PHACTR1: variants seen among roughly 807,000 people sequenced by gnomAD.
The protein encoded by PHACTR1 is RPEL repeat containing 1.
In PHACTR1, 16 loss-of-function variants were observed where a neutral mutation model predicts 69.2. That is an observed-to-expected ratio of 0.23 (90% confidence interval 0.16 to 0.35). The LOEUF is 0.35. PHACTR1 is among the 10% of genes least tolerant of loss of function. The pLI is 1.00. For missense variants in PHACTR1, 510 were observed against 734.7 expected, an observed-to-expected ratio of 0.69 and a Z score of 3.54; for synonymous variants, 312 against 284.5, an observed-to-expected ratio of 1.10 and a Z score of -0.97.
intron 5 of PHACTR1, among the ~76,000 whole-genome samples, chr6:13,083,955 T>G (rs978572878): frequency 5.3e-5 from 8 of 152,134 alleles, no homozygotes; most frequent in Non-Finnish European, 1.2e-4. Context: ...CCTGCCTGAT[T>G]GCCCTGGCCA....
chr6:13,175,113 G>A (rs1439802048), intron 6 of PHACTR1, among the ~76,000 whole-genome samples: 1 of 152,116 alleles, frequency 6.6e-6, no homozygotes, highest in Admixed American at 6.5e-5. Flanking sequence ...TTACTTACAA[G>A]TTTTTAAAAA....
chr6:12,912,953 T>C (rs911439551), intron 4 of PHACTR1, among the ~76,000 whole-genome samples: 1 of 152,138 alleles, frequency 6.6e-6, no homozygotes, highest in Non-Finnish European at 1.5e-5. Flanking sequence ...AGACCCTGTC[T>C]CAAAACAAAC....
intron 6 of PHACTR1, among the ~76,000 whole-genome samples, chr6:13,161,323 G>C (rs1183997472): frequency 6.6e-6 from 1 of 151,984 alleles, no homozygotes; most frequent in Non-Finnish European, 1.5e-5. Context: ...TTCTCTTCTT[G>C]CTCCTCCTTC....
At position 12,814,699 on chromosome 6, in the gene PHACTR1, G is replaced by GA. The variant is rs59403413; in HGVS notation, c.250+64918dup. ...CCCACCAAATGTTCTACAAATGGAA[G>GA]AAAAAAAAACAAAAAAAGCTATACT... On this transcript the variant is annotated intron_variant, in intron 4 of 14. Transcript: ENST00000332995. Among the ~76,000 whole-genome samples the GA allele has an allele frequency of 2.8e-3, 424 of 150,628 alleles. 3 individuals are homozygous for GA. The highest frequency in any genetic ancestry group is 8.4e-3 in the African/African-American group (345 of 41,166).
intron 5 of PHACTR1, among the ~76,000 whole-genome samples, chr6:13,073,331 A>ATT (rs10664160): frequency 0.024 from 1,578 of 65,624 alleles, 344 homozygotes; most frequent in African/African-American, 0.039. Flanking sequence ...CATTCCATGA[A>ATT]TTTTTTTTTT....
chr6:13,238,110 G>T (rs1339819699), intron 10 of PHACTR1, among the ~76,000 whole-genome samples: 3 of 152,214 alleles, frequency 2.0e-5, no homozygotes, highest in Non-Finnish European at 4.4e-5. Flanking sequence ...GACTCCTGAA[G>T]AACACATTAA....
intron 6 of PHACTR1, among the ~76,000 whole-genome samples, chr6:13,171,555 C>T (rs1315355701): frequency 1.3e-5 from 2 of 152,200 alleles, no homozygotes. Context: ...CTGCATCGGC[C>T]AATGCAGTAT....
intron 7 of PHACTR1, among the ~76,000 whole-genome samples, chr6:13,201,931 C>CTT (rs1191189315): frequency 6.6e-6 from 1 of 152,212 alleles, no homozygotes; most frequent in Non-Finnish European, 1.5e-5. Flanking sequence ...CCTTTTCTTA[C>CTT]TTTTGTTCAT....
intron 3 of PHACTR1, among the ~76,000 whole-genome samples, chr6:12,737,843 T>C (rs1764507217): frequency 6.6e-6 from 1 of 152,126 alleles, no homozygotes; most frequent in Admixed American, 6.6e-5. Context: ...TGATCCTCCC[T>C]CAAAATGCTG....
intron 11 of PHACTR1, chr6:13,277,947 C>CA (rs756557633): frequency 0.059 from 7,153 of 122,094 alleles, 62 homozygotes; most frequent in South Asian, 0.097. Flanking sequence ...GAGACCGTGT[C>CA]AAAAAAAAAA....
intron 4 of PHACTR1, among the ~76,000 whole-genome samples, chr6:12,828,358 T>A (rs1335155676): frequency 6.6e-6 from 1 of 152,188 alleles, no homozygotes; most frequent in Non-Finnish European, 1.5e-5. Context: ...AAACTGCACA[T>A]GAAAACACAG....
At chr6:12,924,738 G>A (rs1788091107) in intron 4 of PHACTR1, among the ~76,000 whole-genome samples, 1 of 148,108 alleles carries the variant, frequency 6.8e-6, no homozygotes, top group Admixed American at 6.8e-5. Context: ...TCACACCACT[G>A]CACTCCAGCC....
At chr6:12,964,183 C>T (rs1793134115) in intron 4 of PHACTR1, among the ~76,000 whole-genome samples, 1 of 151,942 alleles carries the variant, frequency 6.6e-6, no homozygotes. Flanking sequence ...ATCTACTGTT[C>T]TAAAGACAAG....
chr6:12,854,550 GCTCAGC>G (rs58127778), intron 4 of PHACTR1, among the ~76,000 whole-genome samples: 148,136 of 152,054 alleles, frequency 0.97, 72,300 homozygotes, highest in East Asian at 1. Flanking sequence ...TAAAAACTTT[GCTCAGC>G]CTCAGCTTCT....
intron 12 of PHACTR1, among the ~76,000 whole-genome samples, chr6:13,278,806 T>C (rs1779502561): frequency 6.6e-6 from 1 of 151,864 alleles, no homozygotes; most frequent in Non-Finnish European, 1.5e-5. Flanking sequence ...AAAGTAAATA[T>C]ACAAAAACTA....
intron 4 of PHACTR1, among the ~76,000 whole-genome samples, chr6:12,759,438 T>C (rs1176524699): frequency 7.8e-6 from 1 of 127,906 alleles, no homozygotes; most frequent in Admixed American, 7.4e-5. Context: ...AGAAAAGGCA[T>C]TTGCAAAAAA....
chr6:12,911,629 A>G (rs531937306), intron 4 of PHACTR1, among the ~76,000 whole-genome samples: 2 of 152,294 alleles, frequency 1.3e-5, no homozygotes, highest in South Asian at 4.1e-4. Flanking sequence ...GTTCAAAAGC[A>G]AAGTCCAGAG....
chr6:13,190,086 T>A (rs1359059299), intron 7 of PHACTR1, among the ~76,000 whole-genome samples: 1 of 150,252 alleles, frequency 6.7e-6, no homozygotes, highest in African/African-American at 2.5e-5. Context: ...TGCAGTGGCA[T>A]GATCTTGGCT....
rs531909434 is a variant in PHACTR1 at position 12,732,316 on chromosome 6, T to G, written c.103+13469T>G. On this transcript the variant is annotated intron_variant, in intron 3 of 14. Coordinates refer to ENST00000332995, the MANE Select transcript of PHACTR1 (RefSeq NM_030948.6). ...CACATGGGCACACACAGATTTTTTT[T>G]GGGGGTGCTGTTTAAGACATTTTCA... 1.3e-3 allele frequency among the ~76,000 whole-genome samples: 191 copies of G among 151,090 alleles called. 1 individual carries two copies. Among genetic ancestry groups the G allele is most frequent in the African/African-American group, 3.8e-3 (157 of 41,176 alleles).
Sources: gnomAD v4.1 joint callset for allele counts (sites outside exome capture counted in the v4.1 genomes callset) on GRCh38, gnomAD v4.1.1 for gene constraint, MANE v1.5 for transcripts, NCBI Gene and HGNC (gene_info 2026-07-23, HGNC 2026-07-21) for gene names.